The following RALGAPA2 variants were observed in gnomAD, a reference collection of about 807,000 sequenced individuals.
The protein encoded by RALGAPA2 is ral GTPase-activating protein subunit alpha-2.
In RALGAPA2, 139 loss-of-function variants were observed where a neutral mutation model predicts 230.4. The ratio of observed to expected loss-of-function variants is 0.60; its 90% CI spans 0.53 to 0.69. The LOEUF (loss-of-function observed/expected upper bound fraction) is 0.69, where lower values mean the gene tolerates loss of function less well. RALGAPA2 is among the 30% of genes least tolerant of loss of function. The probability of loss-of-function intolerance (pLI) is 0.00; values close to 1 mark genes in which losing one functional copy is unlikely to be tolerated. For missense variants in RALGAPA2, 2,163 were observed against 2,276.0 expected (o/e 0.95, Z 1.01); for synonymous variants, 847 against 837.8 (o/e 1.01, Z -0.19).
chr20:20,413,691 T>C (rs534932595), intron 37 of RALGAPA2, among the ~76,000 whole-genome samples: 1 of 152,330 alleles, frequency 6.6e-6, no homozygotes, highest in Non-Finnish European at 1.5e-5. Context: ...GCTGCCAGAA[T>C]TTCTCCGTAA....
chr20:20,399,114 G>C (rs2059778064), intron 38 of RALGAPA2, among the ~76,000 whole-genome samples: 1 of 152,200 alleles, frequency 6.6e-6, no homozygotes, highest in Non-Finnish European at 1.5e-5. Context: ...GGAGGCCAAG[G>C]CGGGTGGATC....
chr20:20,442,903 A>G (rs1009217700), intron 37 of RALGAPA2, among the ~76,000 whole-genome samples: 3 of 152,260 alleles, frequency 2.0e-5, no homozygotes, highest in African/African-American at 7.2e-5. Flanking sequence ...CATTTTTCAC[A>G]TAAATGCTAA....
At chr20:20,640,551 G>T in intron 6 of RALGAPA2, 150 bp downstream of exon 6, 1 of 716,774 alleles carries the variant, frequency 1.4e-6, no homozygotes, top group African/African-American at 1.8e-5. Flanking sequence ...TTGATTCTAA[G>T]GTATGTAAGA....
At chr20:20,501,231 A>C (rs1008917860) in intron 35 of RALGAPA2, among the ~76,000 whole-genome samples, 4 of 152,226 alleles carry the variant, frequency 2.6e-5, no homozygotes, top group African/African-American at 4.8e-5. Flanking sequence ...TTTCCTCTCT[A>C]GTTATGAAAG....
chr20:20,624,535 T>G (rs2066430970), intron 10 of RALGAPA2, among the ~76,000 whole-genome samples: 1 of 152,068 alleles, frequency 6.6e-6, no homozygotes, highest in Non-Finnish European at 1.5e-5. Flanking sequence ...CTCTGTACAT[T>G]AGGATTCTGA....
intron 33 of RALGAPA2, among the ~76,000 whole-genome samples, chr20:20,506,074 C>T (rs369306134): frequency 2.0e-5 from 3 of 152,078 alleles, no homozygotes; most frequent in East Asian, 1.9e-4. Context: ...TCCTTCCAAG[C>T]GAACACACTT....
chr20:20,571,329 G>T, intron 23 of RALGAPA2, 129 bp downstream of exon 23: 1 of 1,049,638 alleles, frequency 9.5e-7, no homozygotes, highest in Non-Finnish European at 1.3e-6. Flanking sequence ...CTTGCTGTGT[G>T]TAAAAGAGTT....
At chr20:20,500,712 G>C (rs2062349926) in intron 35 of RALGAPA2, among the ~76,000 whole-genome samples, 1 of 152,166 alleles carries the variant, frequency 6.6e-6, no homozygotes. Context: ...ATGGCATCTA[G>C]AATGGTGAAT....
chr20:20,466,965 C>T (rs1311825362), intron 37 of RALGAPA2, among the ~76,000 whole-genome samples: 3 of 152,116 alleles, frequency 2.0e-5, no homozygotes, highest in Non-Finnish European at 2.9e-5. Flanking sequence ...ATTAGTTAAC[C>T]CTCTCAGCTT....
intron 12 of RALGAPA2, 42 bp downstream of exon 12, chr20:20,619,235 G>C: frequency 6.5e-7 from 1 of 1,538,288 alleles, no homozygotes; most frequent in Non-Finnish European, 8.8e-7. Context: ...GGCTCCAGCT[G>C]TAGGCGGTGG....
intron 23 of RALGAPA2, among the ~76,000 whole-genome samples, chr20:20,555,200 C>T (rs1244258997): frequency 6.6e-6 from 1 of 152,202 alleles, no homozygotes; most frequent in Non-Finnish European, 1.5e-5. Context: ...ACTGAATTGT[C>T]TTTGCACCCT....
intron 13 of RALGAPA2, among the ~76,000 whole-genome samples, chr20:20,614,197 C>A (rs1235580643): frequency 6.6e-6 from 1 of 152,166 alleles, no homozygotes; most frequent in African/African-American, 2.4e-5. Context: ...TTTCTATGCT[C>A]TATTGACCAT....
At chr20:20,508,860 G>A (rs1204053791) in intron 33 of RALGAPA2, among the ~76,000 whole-genome samples, 1 of 152,156 alleles carries the variant, frequency 6.6e-6, no homozygotes, top group Non-Finnish European at 1.5e-5. Flanking sequence ...CTAAATCCAG[G>A]AGTTGGGGTT....
In RALGAPA2 at chr20:20,712,634, G is replaced by GCCGCCGCCGCCGCCGCCGCCGCCGCCGC. The variant is rs1555833951; in HGVS notation, c.-155_-154insGCGGCGGCGGCGGCGGCGGCGGCGGCGG. On this transcript the variant is annotated 5_prime_UTR_variant, in exon 1 of 40. Transcript: ENST00000202677. This position sits in a 1 kb window ranked among gnomAD's most constrained non-coding sequence, Gnocchi z 5.5. ...CGCCGCCGCCGCCGCCGCCGCCTCA[G>GCCGCCGCCGCCGCCGCCGCCGCCGCCGC]CTGTGTCTCCAGGAAGGAGGGGCGG... 8.5e-7 allele frequency: 1 copy of GCCGCCGCCGCCGCCGCCGCCGCCGCCGC among 1,173,938 alleles called. No individual in the cohort carries two copies. Among genetic ancestry groups the GCCGCCGCCGCCGCCGCCGCCGCCGCCGC allele is most frequent in the Non-Finnish European group, 1.1e-6 (1 of 946,148 alleles). 72.7% of individuals were successfully genotyped at this position (1,173,938 alleles called of 1,614,324 possible).
At chr20:20,541,638 A>T (rs1167331605) in intron 24 of RALGAPA2, among the ~76,000 whole-genome samples, 1 of 152,226 alleles carries the variant, frequency 6.6e-6, no homozygotes, top group African/African-American at 2.4e-5. Flanking sequence ...GCTACTCAGA[A>T]TGGGGTGCAA....
intron 4 of RALGAPA2, 132 bp from the exon 5 acceptor site, chr20:20,643,681 C>A: frequency 1.2e-6 from 1 of 816,488 alleles, no homozygotes; most frequent in Non-Finnish European, 1.7e-6. Flanking sequence ...CCTTCAGAAG[C>A]AAAGCAATGT....
intron 37 of RALGAPA2, among the ~76,000 whole-genome samples, chr20:20,416,664 T>G (rs1203294168): frequency 2.6e-5 from 4 of 152,252 alleles, no homozygotes; most frequent in African/African-American, 9.6e-5. Flanking sequence ...ATGCTGACTT[T>G]ATAAAATACA....
chr20:20,562,406 G>A (rs762480446), intron 23 of RALGAPA2, among the ~76,000 whole-genome samples: 33 of 152,038 alleles, frequency 2.2e-4, no homozygotes, highest in South Asian at 8.3e-4. Flanking sequence ...GATATCACAC[G>A]GTAACAGTTT....
chr20:20,459,398 G>A (rs544107518), intron 37 of RALGAPA2, among the ~76,000 whole-genome samples: 161 of 150,610 alleles, frequency 1.1e-3, no homozygotes, highest in Non-Finnish European at 2.0e-3. Context: ...ATGCACTACT[G>A]AATGGCATGC....
Sources: gnomAD v4.1 joint callset for allele counts (sites outside exome capture counted in the v4.1 genomes callset) on GRCh38, gnomAD v4.1.1 for gene constraint, Gnocchi (gnomAD v3.1) non-coding constraint, MANE v1.5 for transcripts, NCBI Gene and HGNC (gene_info 2026-07-23, HGNC 2026-07-21) for gene names.